Variants in ACOXL observed in about 807,000 individuals in gnomAD.
ACOXL encodes the protein acyl-coenzyme A oxidase-like protein.
In ACOXL, 70 loss-of-function variants were observed where a neutral mutation model predicts 71.9. The ratio of observed to expected loss-of-function variants is 0.97; its 90% CI spans 0.80 to 1.19. The LOEUF is 1.19. Ranked by LOEUF, ACOXL falls within the 50% of genes most tolerant of loss-of-function variation. ACOXL has a pLI of 0.00. For missense variants in ACOXL, 703 were observed against 736.3 expected (o/e 0.95, Z 0.52); for synonymous variants, 253 against 281.6 (o/e 0.90, Z 1.02).
At chr2:110,989,838 T>C (rs147240491) in intron 13 of ACOXL, among the ~76,000 whole-genome samples, 1,954 of 152,150 alleles carry the variant, frequency 0.013, 34 homozygotes, top group African/African-American at 0.042. Context: ...GTCAGGAGTT[T>C]GAGACCAGCC....
intron 12 of ACOXL, among the ~76,000 whole-genome samples, chr2:110,984,196 T>C (rs2062833817): frequency 6.6e-6 from 1 of 152,202 alleles, no homozygotes; most frequent in South Asian, 2.1e-4. Context: ...AGAATCATTC[T>C]ATGCGCTTTT....
rs543010688 is a variant in ACOXL at position 111,100,162 on chromosome 2, C to G, written c.1542+7196C>G. ...TCAATGCAGGAGGAAGCTTTTCAGT[C>G]TACCTGTGTTGAGAGAACCACAGCC... On this transcript the variant is annotated intron_variant, in intron 17 of 17. Transcript: ENST00000439055. 2.6e-5 allele frequency: 4 copies of G among 152,640 alleles called. No homozygotes were observed. The East Asian group carries it at 7.7e-4, about 29-fold the overall frequency. The allele number at this position is 152,640 out of a possible 1,614,324, so 9.5% of individuals were successfully genotyped here.
chr2:111,008,542 C>T (rs1384792), intron 14 of ACOXL, among the ~76,000 whole-genome samples: 122,979 of 151,958 alleles, frequency 0.81, 50,046 homozygotes, highest in Middle Eastern at 0.91. Context: ...TTAATCCTTC[C>T]TCCCAACCTT....
intron 2 of ACOXL, among the ~76,000 whole-genome samples, chr2:110,771,544 C>T (rs1464264107): frequency 2.0e-5 from 3 of 152,160 alleles, no homozygotes; most frequent in East Asian, 1.9e-4. Context: ...ATGGACAGTC[C>T]GCAGGCCAAG....
At chr2:110,915,996 T>G (rs574178466) in intron 11 of ACOXL, among the ~76,000 whole-genome samples, 2 of 152,210 alleles carry the variant, frequency 1.3e-5, no homozygotes, top group Admixed American at 1.3e-4. Flanking sequence ...TATGGGTTTT[T>G]TGTTTTTTTA....
intron 14 of ACOXL, among the ~76,000 whole-genome samples, chr2:111,000,803 C>T (rs2063589439): frequency 6.6e-6 from 1 of 152,150 alleles, no homozygotes; most frequent in Non-Finnish European, 1.5e-5. Flanking sequence ...CAGGACCCAC[C>T]CTAATTACCT....
intron 17 of ACOXL, among the ~76,000 whole-genome samples, chr2:111,096,926 C>G (rs2068836695): frequency 6.6e-6 from 1 of 152,120 alleles, no homozygotes; most frequent in Admixed American, 6.5e-5. Flanking sequence ...GGATATAGCT[C>G]TTTGACATCC....
chr2:110,877,131 T>C (rs1397608358), intron 10 of ACOXL, among the ~76,000 whole-genome samples: 1 of 152,196 alleles, frequency 6.6e-6, no homozygotes, highest in Non-Finnish European at 1.5e-5. Flanking sequence ...AAGTTTCCTG[T>C]TTGCTGCGAG....
intron 14 of ACOXL, among the ~76,000 whole-genome samples, chr2:111,020,575 G>T (rs2064705054): frequency 6.6e-6 from 1 of 152,212 alleles, no homozygotes; most frequent in African/African-American, 2.4e-5. Flanking sequence ...AGCCGTGTGT[G>T]TGTGCACATG....
In ACOXL at chr2:111,118,217, T is replaced by G. The variant is rs2070483172; in HGVS notation, c.*401T>G. On this transcript the variant is annotated 3_prime_UTR_variant, in exon 18 of 18. Coordinates refer to ENST00000439055, the MANE Select transcript of ACOXL (RefSeq NM_001142807.4). ...GATTTAGAAAAACTGTGGTGCCGAG[T>G]GAAAGAAAAAAAAAAAAGCAAACAC... The G allele has an allele frequency of 9.5e-6, 2 of 210,190 alleles. No individual in the cohort carries two copies. The highest frequency in any genetic ancestry group is 6.1e-5 in the Admixed American group (1 of 16,500). The allele number at this position is 210,190 out of a possible 1,614,324, so 13.0% of individuals were successfully genotyped here.
chr2:111,079,006 C>G (rs2067753342), intron 16 of ACOXL, among the ~76,000 whole-genome samples: 1 of 152,198 alleles, frequency 6.6e-6, no homozygotes, highest in Non-Finnish European at 1.5e-5. Flanking sequence ...GCCAGTCTGG[C>G]ATCTGAATTC....
intron 10 of ACOXL, among the ~76,000 whole-genome samples, chr2:110,863,595 C>A (rs966955340): frequency 1.1e-4 from 16 of 151,670 alleles, no homozygotes; most frequent in African/African-American, 3.6e-4. Flanking sequence ...CCCTGAGCAC[C>A]CCCCCCAACT....
chr2:110,742,603 C>T (rs1018645940), intron 1 of ACOXL, among the ~76,000 whole-genome samples: 2 of 152,112 alleles, frequency 1.3e-5, no homozygotes, highest in Non-Finnish European at 1.5e-5. Context: ...CAACATGGGC[C>T]GTGAAAAGTG....
intron 17 of ACOXL, among the ~76,000 whole-genome samples, chr2:111,094,805 G>A (rs2068718448): frequency 6.6e-6 from 1 of 152,174 alleles, no homozygotes; most frequent in Admixed American, 6.5e-5. Context: ...TGTCTGCTGG[G>A]GCTAAGGGTT....
At chr2:110,921,056 A>T (rs2060048213) in intron 11 of ACOXL, among the ~76,000 whole-genome samples, 1 of 151,954 alleles carries the variant, frequency 6.6e-6, no homozygotes, top group African/African-American at 2.4e-5. Flanking sequence ...GTGCTTTTCA[A>T]ATTTATTTTA....
chr2:111,014,820 G>A (rs937795785), intron 14 of ACOXL, among the ~76,000 whole-genome samples: 26 of 152,186 alleles, frequency 1.7e-4, no homozygotes, highest in African/African-American at 5.1e-4. Flanking sequence ...TGACCCACAT[G>A]TATATGTTCA....
intron 14 of ACOXL, among the ~76,000 whole-genome samples, chr2:111,018,972 GCC>G (rs1284981407): frequency 6.6e-6 from 1 of 152,178 alleles, no homozygotes; most frequent in Non-Finnish European, 1.5e-5. Context: ...TGCCTCATGG[GCC>G]CAGCACCAGC....
At chr2:110,915,336 T>TTATATATA (rs60017192) in intron 11 of ACOXL, among the ~76,000 whole-genome samples, 25 of 130,812 alleles carry the variant, frequency 1.9e-4, no homozygotes, top group African/African-American at 6.5e-4. Context: ...TATATGCATT[T>TTATATATA]TATATATATA....
intron 15 of ACOXL, among the ~76,000 whole-genome samples, chr2:111,044,581 G>A (rs1166423528): frequency 6.6e-6 from 1 of 152,216 alleles, no homozygotes; most frequent in Non-Finnish European, 1.5e-5. Flanking sequence ...AGGGTCAACT[G>A]TACCTGCTAA....
Sources: gnomAD v4.1 joint callset for allele counts (sites outside exome capture counted in the v4.1 genomes callset) on GRCh38, gnomAD v4.1.1 for gene constraint, MANE v1.5 for transcripts, NCBI Gene and HGNC (gene_info 2026-07-23, HGNC 2026-07-21) for gene names.